SHISAL1: variants seen among roughly 807,000 people sequenced by gnomAD.
The protein encoded by SHISAL1 is protein shisa-like-1.
A neutral mutation model predicts 22.6 loss-of-function variants in SHISAL1; 9 were observed. That is an observed-to-expected ratio of 0.40 (90% CI 0.24 to 0.70). The LOEUF (loss-of-function observed/expected upper bound fraction) is 0.70. Among genes scored for constraint, SHISAL1 ranks in the 30% least tolerant of loss-of-function variants. The pLI, the probability that SHISAL1 is intolerant of heterozygous loss-of-function variation, is 0.39. For missense variants in SHISAL1, 246 were observed against 270.6 expected (o/e 0.91, Z 0.64); for synonymous variants, 119 against 115.4 (o/e 1.03, Z -0.20).
chr22:44,250,626 C>T (rs1206475952), intron 4 of SHISAL1, among the ~76,000 whole-genome samples: 2 of 152,204 alleles, frequency 1.3e-5, no homozygotes, highest in African/African-American at 4.8e-5. Flanking sequence ...CCCAGTCTGG[C>T]TAACGCTGTG....
At position 44,287,509 on chromosome 22, in the gene SHISAL1, A is replaced by C. The variant is rs73432510; in HGVS notation, c.282-1764T>G. On this transcript the variant is annotated intron_variant, in intron 3 of 4. Coordinates refer to ENST00000381176, the MANE Select transcript of SHISAL1 (RefSeq NM_001099294.2). ...GCTTAGGCTTTGTAGCTGTAATCCC[A>C]CAGCTCCCGGTCACTGTGCGTCCTT... 9.9e-3 allele frequency among the ~76,000 whole-genome samples: 1,513 copies of C among 152,168 alleles called. 28 individuals carry two copies. The highest frequency in any genetic ancestry group is 0.035 in the African/African-American group (1,453 of 41,502).
the SHISAL1 span, among the ~76,000 whole-genome samples, chr22:44,319,233 T>G: frequency 6.6e-6 from 1 of 152,146 alleles, no homozygotes; most frequent in Non-Finnish European, 1.5e-5. Context: ...ACAAGTATCA[T>G]CCCCTCCAAT....
chr22:44,309,615 C>G (rs1452860852), intron 1 of SHISAL1, among the ~76,000 whole-genome samples: 1 of 152,198 alleles, frequency 6.6e-6, no homozygotes, highest in Non-Finnish European at 1.5e-5. Flanking sequence ...CTCCTGTGCC[C>G]TGTCTCCACG....
At chr22:44,258,349 C>T (rs1273015788) in intron 4 of SHISAL1, among the ~76,000 whole-genome samples, 7 of 152,096 alleles carry the variant, frequency 4.6e-5, no homozygotes, top group African/African-American at 7.3e-5. Flanking sequence ...ATATGCAGGA[C>T]GTGCAGGTTT....
intron 4 of SHISAL1, among the ~76,000 whole-genome samples, chr22:44,261,100 C>CTATATAT (rs2055120791): frequency 8.5e-6 from 1 of 117,840 alleles, no homozygotes; most frequent in Non-Finnish European, 1.6e-5. Flanking sequence ...TATATATATA[C>CTATATAT]ACTATATGGA....
At chr22:44,282,252 G>A (rs954161141) in intron 4 of SHISAL1, among the ~76,000 whole-genome samples, 6 of 152,198 alleles carry the variant, frequency 3.9e-5, no homozygotes, top group African/African-American at 1.2e-4. Context: ...TCTGCTCCCC[G>A]CCCACCGTGG....
rs1436997120 is a variant in SHISAL1, at chr22:44,245,465, G to A, written c.*4220C>T. On this transcript the variant is annotated 3_prime_UTR_variant, in exon 5 of 5. Coordinates refer to ENST00000381176, the MANE Select transcript of SHISAL1 (RefSeq NM_001099294.2). ...GAAATCTGTAAATTCACTTCCGAAG[G>A]CTTTTCCTGTTGATGGGGACCAGTT... The A allele has an allele frequency of 2.0e-5, 3 of 152,204 alleles. No homozygotes were observed. Among genetic ancestry groups the A allele is most frequent in the African/African-American group, 7.2e-5 (3 of 41,442 alleles). 9.4% of individuals were successfully genotyped at this position (152,204 alleles called of 1,614,324 possible). A position where few individuals can be genotyped will look rare whatever the true frequency, so the allele number is the denominator to read the frequency against.
chr22:44,304,424 A>C (rs1267950245), intron 1 of SHISAL1, among the ~76,000 whole-genome samples: 1 of 152,228 alleles, frequency 6.6e-6, no homozygotes, highest in Non-Finnish European at 1.5e-5. Context: ...TGACCTTGTG[A>C]AGTCTGGTTT....
rs141150914 is a variant in SHISAL1 at position 44,266,488 on chromosome 22, TG to T, written c.*-16804del. On this transcript the variant is annotated intron_variant, in intron 4 of 4. Transcript: ENST00000381176. ...TGTGTTGGGCTGTGTGTGTGTCTGT[TG>T]GGGGCTCTGGTGTATGTGTGTGTTG... 6.9e-5 allele frequency among the ~76,000 whole-genome samples: 7 copies of T among 102,034 alleles called. 1 individual carries two copies. The highest frequency in any genetic ancestry group is 9.3e-5 in the Non-Finnish European group (5 of 54,000). 66.9% of individuals were successfully genotyped at this position (102,034 alleles called of 152,430 possible). A position where few individuals can be genotyped will look rare whatever the true frequency, so the allele number is the denominator to read the frequency against.
chr22:44,269,422 CCA>C (rs987089967), intron 4 of SHISAL1, among the ~76,000 whole-genome samples: 22 of 148,070 alleles, frequency 1.5e-4, no homozygotes, highest in Non-Finnish European at 2.2e-4. Flanking sequence ...ACACACCATG[CCA>C]CAGACAGAAG....
the SHISAL1 span, among the ~76,000 whole-genome samples, chr22:44,319,892 C>T: frequency 6.6e-6 from 1 of 152,116 alleles, no homozygotes; most frequent in Non-Finnish European, 1.5e-5. Flanking sequence ...ATGTCTCAGA[C>T]CTAGCTCCTG....
At chr22:44,263,273 G>T (rs921137904) in intron 4 of SHISAL1, among the ~76,000 whole-genome samples, 14 of 151,984 alleles carry the variant, frequency 9.2e-5, no homozygotes, top group Admixed American at 4.6e-4. Flanking sequence ...GTTTTGCCAT[G>T]TTGGCTAGGC....
At chr22:44,288,238 G>A (rs927245555) in intron 3 of SHISAL1, among the ~76,000 whole-genome samples, 1 of 152,198 alleles carries the variant, frequency 6.6e-6, no homozygotes, top group Non-Finnish European at 1.5e-5. Flanking sequence ...CAGCCATTAA[G>A]GGGCAGAAGC....
At chr22:44,262,706 G>C (rs2055133356) in intron 4 of SHISAL1, among the ~76,000 whole-genome samples, 1 of 152,236 alleles carries the variant, frequency 6.6e-6, no homozygotes, top group Admixed American at 6.5e-5. Flanking sequence ...GGGAGTAGCA[G>C]GCTGCCCTGC....
At chr22:44,305,408 C>T (rs2055463363) in intron 1 of SHISAL1, among the ~76,000 whole-genome samples, 1 of 152,356 alleles carries the variant, frequency 6.6e-6, no homozygotes, top group Middle Eastern at 3.4e-3. Flanking sequence ...AGGGCTGGCC[C>T]TCAGCCCCCG....
intron 2 of SHISAL1, 118 bp downstream of exon 2, chr22:44,300,761 G>A (rs2055422440): frequency 3.7e-6 from 3 of 807,270 alleles, no homozygotes; most frequent in Non-Finnish European, 6.2e-6. Context: ...CAGTAAGGTG[G>A]AGGACAAAAG....
chr22:44,301,509 A>G lies in SHISAL1; in HGVS notation c.-32-532T>C, dbSNP rs146506272. On this transcript the variant is annotated intron_variant, in intron 1 of 4. Transcript: ENST00000381176. ...CTGTGTTCTACTCAGGAAGGCTGAC[A>G]ACACGCAAACAAATGAATGTTTAAA... 3.3e-5 allele frequency among the ~76,000 whole-genome samples: 5 copies of G among 152,354 alleles called. No homozygotes were observed. The East Asian group carries it at 9.7e-4, about 29-fold the overall frequency.
chr22:44,268,463 C>T (rs1366352745), intron 4 of SHISAL1, among the ~76,000 whole-genome samples: 1 of 152,168 alleles, frequency 6.6e-6, no homozygotes, highest in East Asian at 1.9e-4. Flanking sequence ...CCTCATTTTA[C>T]ACAAGGGGAA....
chr22:44,283,803 G>A (rs1395036333), intron 4 of SHISAL1, among the ~76,000 whole-genome samples: 1 of 152,182 alleles, frequency 6.6e-6, no homozygotes, highest in Non-Finnish European at 1.5e-5. Flanking sequence ...TAGTGCCTAT[G>A]AGCATCACCC....
Sources: allele counts gnomAD v4.1 joint callset (sites outside exome capture counted in the v4.1 genomes callset), GRCh38; gene constraint gnomAD v4.1.1; transcripts MANE v1.5; gene names NCBI Gene and HGNC (gene_info 2026-07-23, HGNC 2026-07-21).